The following KANSL1 variants were observed in gnomAD, a reference collection of about 807,000 sequenced individuals.
The protein encoded by KANSL1 is KAT8 regulatory NSL complex subunit 1, also known as MLL1/MLL complex subunit KANSL1.
KANSL1 carries 22 observed loss-of-function variants against 103.6 expected under a neutral mutation model. That is an observed-to-expected ratio of 0.21 (90% CI 0.15 to 0.30). KANSL1 has a LOEUF of 0.30. KANSL1 is among the 10% of genes least tolerant of loss of function. KANSL1 has a pLI of 1.00. For missense variants in KANSL1, 1,337 were observed against 1,399.8 expected (o/e 0.96, Z 0.72); for synonymous variants, 600 against 527.6 (o/e 1.14, Z -1.88).
chr17:46,141,540 T>C (rs771452639), intron 2 of KANSL1, among the ~76,000 whole-genome samples: 2 of 152,224 alleles, frequency 1.3e-5, no homozygotes, highest in Non-Finnish European at 2.9e-5. Flanking sequence ...GCTCAAAATA[T>C]TCCACTGAGC....
chr17:46,096,709 C>T (rs544797674), intron 2 of KANSL1, among the ~76,000 whole-genome samples: 2 of 152,112 alleles, frequency 1.3e-5, no homozygotes, highest in South Asian at 2.1e-4. Context: ...AGCTCCGCCT[C>T]CCGGGTTTAC....
intron 4 of KANSL1, among the ~76,000 whole-genome samples, chr17:46,070,844 C>T (rs1167739470): frequency 3.9e-5 from 6 of 152,042 alleles, no homozygotes; most frequent in South Asian, 2.1e-4. Flanking sequence ...GTTTAAGTAA[C>T]GGGTTGACTG....
chr17:46,049,084 T>G (rs2077614300), intron 7 of KANSL1, among the ~76,000 whole-genome samples: 1 of 150,898 alleles, frequency 6.6e-6, no homozygotes. Flanking sequence ...TTTTGGAGAA[T>G]TCTAAGAGAA....
intron 3 of KANSL1, among the ~76,000 whole-genome samples, chr17:46,085,559 G>A (rs560135385): frequency 2.0e-5 from 3 of 152,112 alleles, no homozygotes; most frequent in East Asian, 1.9e-4. Context: ...GTGTGGTCAC[G>A]AATCACTGTA....
chr17:46,100,667 T>C (rs1185969900), intron 2 of KANSL1, among the ~76,000 whole-genome samples: 5 of 152,210 alleles, frequency 3.3e-5, no homozygotes, highest in Admixed American at 1.3e-4. Context: ...AAGCTAGACA[T>C]TGAACCACAT....
chr17:46,038,181 T>G, intron 10 of KANSL1: 1 of 220,642 alleles, frequency 4.5e-6, no homozygotes, highest in Non-Finnish European at 8.9e-6. Context: ...CTTGTTCACT[T>G]CTTGGGCCAA....
At chr17:46,045,214 C>T (rs1042573418) in intron 7 of KANSL1, 6 of 152,072 alleles carry the variant, frequency 3.9e-5, no homozygotes, top group Non-Finnish European at 7.4e-5. Flanking sequence ...GTTATTTACA[C>T]GGGATATTAT....
At chr17:46,208,276 C>A (rs2048038519) in intron 1 of KANSL1, among the ~76,000 whole-genome samples, 1 of 152,156 alleles carries the variant, frequency 6.6e-6, no homozygotes. Context: ...AAATGACATA[C>A]ACCTGTTCTG....
intron 1 of KANSL1, among the ~76,000 whole-genome samples, chr17:46,178,902 TAATTC>T (rs1391592721): frequency 1.3e-5 from 2 of 152,240 alleles, no homozygotes; most frequent in East Asian, 1.9e-4. Flanking sequence ...CTTCCTATGT[TAATTC>T]TATTATTCTA....
intron 2 of KANSL1, among the ~76,000 whole-genome samples, chr17:46,165,846 A>C (rs1445253027): frequency 6.6e-6 from 1 of 152,206 alleles, no homozygotes; most frequent in African/African-American, 2.4e-5. Context: ...AAGTATCTAA[A>C]AAGCAAAACC....
intron 2 of KANSL1, among the ~76,000 whole-genome samples, chr17:46,112,871 G>A (rs1243106311): frequency 2.0e-5 from 3 of 151,994 alleles, no homozygotes; most frequent in South Asian, 2.1e-4. Context: ...ACAGGCATGC[G>A]CCATCACGCC....
At chr17:46,127,434 G>A (rs1372237558) in intron 2 of KANSL1, among the ~76,000 whole-genome samples, 1 of 152,154 alleles carries the variant, frequency 6.6e-6, no homozygotes, top group Non-Finnish European at 1.5e-5. Flanking sequence ...AGGTTTTCTG[G>A]TTTTTACCAG....
chr17:46,209,994 T>A lies in KANSL1; in HGVS notation c.-90+13677A>T, dbSNP rs369789193. ...TGCTGAACCAAAACGAACAAAAAAA[T>A]GCTGTCATCAAAGTAACTTCCATCT... is the stretch of plus-strand genomic sequence containing the variant. On this transcript the variant is annotated intron_variant, in intron 1 of 14. Transcript: ENST00000572904. Among the ~76,000 whole-genome samples, 213 of 152,314 alleles carry A rather than the reference T, an allele frequency of 1.4e-3. 2 individuals carry two copies. Among genetic ancestry groups the A allele is most frequent in the Middle Eastern group, 0.01 (3 of 294 alleles).
At chr17:46,206,562 A>G (rs111927213) in intron 1 of KANSL1, among the ~76,000 whole-genome samples, 163 of 152,362 alleles carry the variant, frequency 1.1e-3, no homozygotes, top group African/African-American at 3.8e-3. Flanking sequence ...CCCCATCTCT[A>G]CAAGAAACAA....
intron 1 of KANSL1, among the ~76,000 whole-genome samples, chr17:46,220,352 A>G (rs2429447): frequency 0.22 from 32,647 of 146,168 alleles, no homozygotes; most frequent in African/African-American, 0.38. Context: ...AAGTAGCTGC[A>G]ACTACAGGCG....
chr17:46,033,798 G>C (rs2077075468), intron 11 of KANSL1, among the ~76,000 whole-genome samples: 1 of 152,168 alleles, frequency 6.6e-6, no homozygotes, highest in African/African-American at 2.4e-5. Context: ...TGCATACCCA[G>C]GGTTGCCTAA....
chr17:46,128,923 A>C (rs1375329159), intron 2 of KANSL1, among the ~76,000 whole-genome samples: 1 of 152,224 alleles, frequency 6.6e-6, no homozygotes, highest in Non-Finnish European at 1.5e-5. Flanking sequence ...TAACTTCAGA[A>C]GCAAGGAGGC....
chr17:46,187,007 C>T lies in KANSL1; in HGVS notation c.-90+5816G>A, dbSNP rs1162864763. Among the ~76,000 whole-genome samples, 3 of 152,122 alleles carry T rather than the reference C, an allele frequency of 2.0e-5. No individual in the cohort carries two copies. The East Asian group carries it at 5.8e-4, about 29-fold the overall frequency. ...TCGGCCTCCCAAGGTGCTGGGATTA[C>T]AGGCATGAGCCACCACACCCAGCCC... On this transcript the variant is annotated intron_variant, in intron 1 of 14. Transcript: ENST00000432791.
At chr17:46,102,281 G>A (rs1176794574) in intron 2 of KANSL1, among the ~76,000 whole-genome samples, 5 of 151,874 alleles carry the variant, frequency 3.3e-5, no homozygotes, top group Non-Finnish European at 5.9e-5. Flanking sequence ...ATGGAATCTC[G>A]CTCTGTCACC....
Sources: allele counts gnomAD v4.1 joint callset (sites outside exome capture counted in the v4.1 genomes callset), GRCh38; gene constraint gnomAD v4.1.1; transcripts MANE v1.5; gene names NCBI Gene and HGNC (gene_info 2026-07-23, HGNC 2026-07-21).